Variants in SEMA4A observed in about 807,000 individuals in gnomAD.
SEMA4A encodes semaphorin 4A, also known as semaphorin-4A.
SEMA4A carries 52 observed loss-of-function variants against 72.5 expected under a neutral mutation model. The observed-to-expected ratio is 0.72, with a 90% confidence interval of 0.57 to 0.90. SEMA4A has a LOEUF of 0.90. SEMA4A is among the 40% of genes least tolerant of loss of function. The probability of loss-of-function intolerance (pLI) is 0.00; values close to 1 mark genes in which losing one functional copy is unlikely to be tolerated. For missense variants in SEMA4A, 926 were observed against 959.7 expected, an observed-to-expected ratio of 0.96 and a Z score of 0.46; for synonymous variants, 369 against 393.1, an observed-to-expected ratio of 0.94 and a Z score of 0.73.
chr1:156,149,167 C>G (rs1652341271), upstream of SEMA4A, among the ~76,000 whole-genome samples: 1 of 152,132 alleles, frequency 6.6e-6, no homozygotes, highest in African/African-American at 2.4e-5. Flanking sequence ...CATAAGGGAG[C>G]TCTAGTAACA....
At chr1:156,163,631 G>A (rs1572404719) in intron 10 of SEMA4A, among the ~76,000 whole-genome samples, 1 of 141,270 alleles carries the variant, frequency 7.1e-6, no homozygotes, top group African/African-American at 2.6e-5. Flanking sequence ...TGAGGCAGGA[G>A]AATCGCTTGA....
At chr1:156,164,274 A>G (rs1304863329) in intron 10 of SEMA4A, among the ~76,000 whole-genome samples, 1 of 152,108 alleles carries the variant, frequency 6.6e-6, no homozygotes, top group African/African-American at 2.4e-5. Context: ...TTTCAAATTT[A>G]TCTCAAAATT....
chr1:156,151,773 T>C (rs1010341592), upstream of SEMA4A, among the ~76,000 whole-genome samples: 26 of 141,788 alleles, frequency 1.8e-4, no homozygotes, highest in Non-Finnish European at 3.6e-4. Context: ...GAGGTGGAGG[T>C]TGCAGTGAGC....
intron 9 of SEMA4A, 96 bp from the exon 10 acceptor site, chr1:156,162,848 C>T (rs1653788878): frequency 1.3e-6 from 2 of 1,518,780 alleles, no homozygotes; most frequent in East Asian, 2.3e-5. Flanking sequence ...TCTCCACACT[C>T]TTGCCTCCTG....
Position 156,156,414 on chromosome 1 carries a change from G to A in SEMA4A, c.140G>A (p.Gly47Glu). The change falls in exon 3 of 15, where the codon GGG becomes GAG. Residue 47 changes from glycine to glutamate, a missense_variant and splice_region_variant. Physicochemically the swap from Gly to Glu is moderately conservative, Grantham distance 98. Transcript: ENST00000368285. ...GPMPRVRYYA[G>E]DERRALSFFH... ...TCTCTCTGTCTTACTCCTCCAACAGGGGATGAACGTAGGGCACTTAGCTTC... is the reference window on the plus strand; with the variant it reads ...TCTCTCTGTCTTACTCCTCCAACAGAGGATGAACGTAGGGCACTTAGCTTC... 1.2e-6 allele frequency: 2 copies of A among 1,613,994 alleles called. No homozygotes were observed. The highest frequency in any genetic ancestry group is 1.7e-6 in the Non-Finnish European group (2 of 1,179,916).
rs1023827556 is a variant in SEMA4A, at chr1:156,177,262, A to G, written c.*265A>G. 19 of 549,286 alleles carry G rather than the reference A, an allele frequency of 3.5e-5. No individual in the cohort carries two copies. In the East Asian group the frequency reaches 5.6e-4, roughly 16 times the overall value. The allele number at this position is 549,286 out of a possible 1,614,324, so 34.0% of individuals were successfully genotyped here. On this transcript the variant is annotated 3_prime_UTR_variant, in exon 15 of 15. Transcript: ENST00000368285. ...AGACCTGCTCCTACACTGATATTGA[A>G]GAACCTGGAGAGGATCCTTCAGTTC...
upstream of SEMA4A, among the ~76,000 whole-genome samples, chr1:156,148,160 G>A (rs1652242688): frequency 6.6e-6 from 1 of 152,168 alleles, no homozygotes; most frequent in Admixed American, 6.5e-5. Context: ...CCCTAAAAGG[G>A]AAGAAAATAG....
chr1:156,161,271 G>A, intron 8 of SEMA4A, 75 bp from the exon 9 acceptor site: 1 of 1,006,074 alleles, frequency 9.9e-7, no homozygotes, highest in Non-Finnish European at 1.4e-6. Flanking sequence ...GCCGAGCTGC[G>A]GGGGGCGGGG....
rs565121428 is a variant in SEMA4A, at chr1:156,172,927, C to T, written c.1236C>T (p.Gly412=). 6.2e-6 allele frequency: 10 copies of T among 1,614,070 alleles called. No individual in the cohort carries two copies. Among genetic ancestry groups the T allele is most frequent in the Admixed American group, 3.3e-5 (2 of 60,006 alleles). ...VVGTPLLVKS[G]VEYTRLAVET... ...GGACGCCCCTGCTGGTGAAATCTGG[C>T]GTGGAGTATACACGGCTTGCAGTGG... is the stretch of plus-strand genomic sequence containing the variant. Residue 412 remains glycine (G), a synonymous_variant, in exon 11 of 15, where the codon GGC becomes GGT. Coordinates refer to ENST00000368285, the MANE Select transcript of SEMA4A (RefSeq NM_022367.4).
intron 10 of SEMA4A, among the ~76,000 whole-genome samples, chr1:156,164,234 C>G (rs1653955933): frequency 6.6e-6 from 1 of 152,082 alleles, no homozygotes; most frequent in South Asian, 2.1e-4. Context: ...CACCTCTCCC[C>G]AACCATTTTC....
intron 10 of SEMA4A, among the ~76,000 whole-genome samples, chr1:156,167,562 A>AT (rs967225162): frequency 1.3e-5 from 2 of 151,482 alleles, no homozygotes; most frequent in African/African-American, 4.9e-5. Context: ...TTTCTCGTGC[A>AT]TTTTTTTGCT....
At chr1:156,160,761 C>T in intron 7 of SEMA4A, 144 bp from the exon 8 acceptor site, 1 of 1,244,148 alleles carries the variant, frequency 8.0e-7, no homozygotes, top group Non-Finnish European at 1.2e-6. Context: ...CATCCCCACC[C>T]CACATCGCTA....
Position 156,176,574 on chromosome 1 carries a change from C to T in SEMA4A, c.1863C>T (p.Leu621=), listed in dbSNP as rs574793313. Residue 621 remains leucine (L), a synonymous_variant, in exon 15 of 15, where the codon CTC becomes CTT. Coordinates refer to ENST00000368285, the MANE Select transcript of SEMA4A (RefSeq NM_022367.4). The part of the protein sequence containing the change: ...LLIVQDGVGG[L]YQCWATENGF... ...TAGTGCAGGATGGAGTTGGGGGTCT[C>T]TACCAGTGCTGGGCAACTGAGAATG... is the stretch of plus-strand genomic sequence containing the variant. 6.2e-7 allele frequency: 1 copy of T among 1,614,202 alleles called. No individual in the cohort carries two copies.
rs143262805 is a variant in SEMA4A at position 156,177,205 on chromosome 1, A to G, written c.*208A>G. The stretch of plus-strand genomic sequence containing the variant: ...TATGGGACTCCCTTCTACCAAGCAC[A>G]TGAGCTCTCTAACAGGGTGGGGGCT... On this transcript the variant is annotated 3_prime_UTR_variant, in exon 15 of 15. Transcript: ENST00000368285. 3.4e-4 allele frequency: 219 copies of G among 637,492 alleles called. No homozygotes were observed. The highest frequency in any genetic ancestry group is 5.2e-4 in the Non-Finnish European group (185 of 353,404). 39.5% of individuals were successfully genotyped at this position (637,492 alleles called of 1,614,324 possible).
chr1:156,173,609 G>T (rs1023943108), intron 11 of SEMA4A, among the ~76,000 whole-genome samples: 11 of 152,026 alleles, frequency 7.2e-5, no homozygotes, highest in South Asian at 2.1e-4. Context: ...TGTGGGTGGC[G>T]GGGGGGACAG....
At chr1:156,159,132 G>C in intron 6 of SEMA4A, 1 of 395,144 alleles carries the variant, frequency 2.5e-6, no homozygotes, top group Non-Finnish European at 4.7e-6. Context: ...CCAGGAGTCT[G>C]AGACCAGCCT....
upstream of SEMA4A, among the ~76,000 whole-genome samples, chr1:156,152,562 G>A (rs1652625524): frequency 6.6e-6 from 1 of 152,290 alleles, no homozygotes; most frequent in East Asian, 1.9e-4. Flanking sequence ...CTCTGGGAGA[G>A]TCTGGGGGAG....
Position 156,175,166 on chromosome 1 carries a change from CTG to C in SEMA4A, c.1519_1520del (p.Val507ProfsTer12), listed in dbSNP as rs771221905. On this transcript the variant is annotated frameshift_variant, in exon 13 of 15. Transcript: ENST00000368285. LOFTEE classifies it high-confidence loss of function. ...GTAGTGTCTATGAGAGCTGTGTGGACTGTGTCCTTGCCCGGGACCCCCACTGT... is the reference window on the plus strand; with the variant it reads ...GTAGTGTCTATGAGAGCTGTGTGGACTGTCCTTGCCCGGGACCCCCACTGT... ...NCSVYESCVDCVLARDPHCAW... is the reference protein window; with the variant it reads ...NCSVYESCVDXVLARDPHCAW... The C allele has an allele frequency of 6.2e-7, 1 of 1,614,172 alleles. No homozygotes were observed. Among genetic ancestry groups the C allele is most frequent in the South Asian group, 1.1e-5 (1 of 91,092 alleles).
chr1:156,168,171 G>T (rs1396657244), intron 10 of SEMA4A, among the ~76,000 whole-genome samples: 1 of 151,922 alleles, frequency 6.6e-6, no homozygotes, highest in Non-Finnish European at 1.5e-5. Context: ...TGATCCACCC[G>T]CCTCGGCCTC....
Sources: allele counts gnomAD v4.1 joint callset (sites outside exome capture counted in the v4.1 genomes callset), GRCh38; gene constraint gnomAD v4.1.1; transcripts MANE v1.5; gene names NCBI Gene and HGNC (gene_info 2026-07-23, HGNC 2026-07-21).